The following UHMK1 variants were observed in gnomAD, a reference collection of about 807,000 sequenced individuals.
UHMK1 encodes the protein serine/threonine-protein kinase Kist.
UHMK1 carries 18 observed loss-of-function variants against 44.0 expected under a neutral mutation model. That is an observed-to-expected ratio of 0.41 (90% CI 0.28 to 0.61). The LOEUF (loss-of-function observed/expected upper bound fraction) is 0.61. Ranked by LOEUF, UHMK1 falls within the 20% of genes least tolerant of loss-of-function variation. The probability of loss-of-function intolerance (pLI) is 0.31; values close to 1 mark genes in which losing one functional copy is unlikely to be tolerated. For missense variants in UHMK1, 463 were observed against 522.5 expected (o/e 0.89, Z 1.11); for synonymous variants, 231 against 198.5 (o/e 1.16, Z -1.38).
Position 162,522,496 on chromosome 1 carries a change from A to G in UHMK1, c.1206A>G (p.Thr402=), listed in dbSNP as rs200307042. 1 of 1,614,196 alleles carries G rather than the reference A, an allele frequency of 6.2e-7. No homozygotes were observed. Among genetic ancestry groups the G allele is most frequent in the East Asian group, 2.2e-5 (1 of 44,882 alleles). ...RMFDGKFVVA[T]FYPLSAYKRG... ...TTGATGGGAAGTTTGTTGTGGCTAC[A>G]TTCTACCCGCTGAGTGCCTACAAGA... is the stretch of plus-strand genomic sequence containing the variant. The change falls in exon 8 of 8, where the codon ACA becomes ACG. Residue 402 remains threonine (T), a synonymous_variant. Coordinates refer to ENST00000489294, the MANE Select transcript of UHMK1 (RefSeq NM_175866.5).
intron 4 of UHMK1, 146 bp from the exon 5 acceptor site, chr1:162,512,354 C>A: frequency 1.6e-6 from 1 of 638,284 alleles, no homozygotes; most frequent in Non-Finnish European, 2.7e-6. Flanking sequence ...TAATAAATAG[C>A]ATTTGTATTT....
chr1:162,517,732 A>G (rs1357420236), intron 6 of UHMK1, among the ~76,000 whole-genome samples: 1 of 152,082 alleles, frequency 6.6e-6, no homozygotes, highest in African/African-American at 2.4e-5. Flanking sequence ...TAAACATACA[A>G]AAATTAGCTG....
At chr1:162,504,503 G>A (rs947493010) in intron 4 of UHMK1, among the ~76,000 whole-genome samples, 5 of 152,134 alleles carry the variant, frequency 3.3e-5, no homozygotes, top group African/African-American at 7.2e-5. Flanking sequence ...CCTATATAGC[G>A]TGTTACTGTA....
intron 2 of UHMK1, 108 bp from the exon 3 acceptor site, chr1:162,500,805 A>G (rs1651240321): frequency 3.6e-6 from 4 of 1,095,896 alleles, no homozygotes; most frequent in Non-Finnish European, 5.1e-6. Flanking sequence ...TTTAGCATTT[A>G]GCTTGGCAGT....
At chr1:162,503,674 C>T (rs1243991006) in intron 3 of UHMK1, 80 bp from the exon 4 acceptor site, 4 of 699,212 alleles carry the variant, frequency 5.7e-6, no homozygotes, top group Non-Finnish European at 9.3e-6. Flanking sequence ...TTGCATTTTA[C>T]TCTCAAATAG....
At chr1:162,520,186 G>A (rs894516323) in intron 7 of UHMK1, among the ~76,000 whole-genome samples, 2 of 152,142 alleles carry the variant, frequency 1.3e-5, no homozygotes, top group African/African-American at 4.8e-5. Context: ...GAGCCACTGT[G>A]CCCAGCTATA....
upstream of UHMK1, among the ~76,000 whole-genome samples, chr1:162,497,603 G>T (rs994545469): frequency 1.3e-5 from 2 of 152,106 alleles, no homozygotes; most frequent in Admixed American, 6.6e-5. Context: ...AAGGTGAGGT[G>T]CCTCAACAAG....
At chr1:162,518,063 TATATC>T (rs1651901304) in intron 6 of UHMK1, 34 bp from the exon 7 acceptor site, 1 of 1,396,342 alleles carries the variant, frequency 7.2e-7, no homozygotes, top group Non-Finnish European at 1.0e-6. Flanking sequence ...ACTTGTTTAT[TATATC>T]AGAGCAGTTA....
At chr1:162,502,470 A>T (rs529325637) in intron 3 of UHMK1, among the ~76,000 whole-genome samples, 14 of 152,156 alleles carry the variant, frequency 9.2e-5, no homozygotes, top group Non-Finnish European at 1.8e-4. Context: ...GATATCCCAA[A>T]CAATCAAGAG....
intron 4 of UHMK1, among the ~76,000 whole-genome samples, chr1:162,510,237 C>G (rs1429865111): frequency 1.3e-5 from 2 of 152,090 alleles, no homozygotes; most frequent in African/African-American, 4.8e-5. Context: ...CATTCACTCC[C>G]TATGTTTTTC....
intron 3 of UHMK1, among the ~76,000 whole-genome samples, chr1:162,503,525 C>T (rs1361614468): frequency 1.3e-5 from 2 of 149,188 alleles, no homozygotes; most frequent in African/African-American, 5.0e-5. Context: ...GCAGGAGGAT[C>T]ACTTAAACCT....
chr1:162,516,287 A>G (rs948240101), intron 6 of UHMK1, among the ~76,000 whole-genome samples: 1 of 152,216 alleles, frequency 6.6e-6, no homozygotes, highest in Admixed American at 6.5e-5. Flanking sequence ...TGAAATAACA[A>G]GTTTCTTAGC....
chr1:162,507,819 C>T (rs1651532126), intron 4 of UHMK1, among the ~76,000 whole-genome samples: 1 of 152,038 alleles, frequency 6.6e-6, no homozygotes, highest in Non-Finnish European at 1.5e-5. Flanking sequence ...ATCTCCTGAA[C>T]TCGTGATCCG....
chr1:162,509,797 C>G (rs901103848), intron 4 of UHMK1, among the ~76,000 whole-genome samples: 4 of 152,138 alleles, frequency 2.6e-5, no homozygotes, highest in African/African-American at 9.7e-5. Flanking sequence ...TGCACAGCAC[C>G]ATGCCTGGCT....
At chr1:162,502,020 C>A (rs1178909513) in intron 3 of UHMK1, among the ~76,000 whole-genome samples, 1 of 151,444 alleles carries the variant, frequency 6.6e-6, no homozygotes, top group Non-Finnish European at 1.5e-5. Context: ...TATTAAACCT[C>A]AAAAAATTAG....
intron 3 of UHMK1, among the ~76,000 whole-genome samples, chr1:162,503,240 G>T (rs1326291781): frequency 6.8e-6 from 1 of 148,140 alleles, no homozygotes; most frequent in Non-Finnish European, 1.5e-5. Flanking sequence ...TTCATAGAGT[G>T]CTAGGCGCTG....
At position 162,526,910 on chromosome 1, in the gene UHMK1, A is replaced by G. The variant is rs1652268812; in HGVS notation, c.*4360A>G. Reference sequence around the variant, plus strand: ...TTCATTTCTTGTCAATTATGGTCACATATAGACAAGTACTTGGTCACAATT... The same window carrying G: ...TTCATTTCTTGTCAATTATGGTCACGTATAGACAAGTACTTGGTCACAATT... On this transcript the variant is annotated 3_prime_UTR_variant, in exon 8 of 8. Transcript: ENST00000489294. The G allele has an allele frequency of 1.3e-5, 2 of 152,120 alleles. No homozygotes were observed. Among genetic ancestry groups the G allele is most frequent in the South Asian group, 4.1e-4 (2 of 4,830 alleles). The allele number at this position is 152,120 out of a possible 1,614,324, so 9.4% of individuals were successfully genotyped here.
intron 4 of UHMK1, among the ~76,000 whole-genome samples, chr1:162,507,585 T>C (rs945501089): frequency 1.4e-5 from 2 of 146,994 alleles, no homozygotes; most frequent in Non-Finnish European, 3.0e-5. Context: ...TTCTTTCTTT[T>C]TTTTTTTCTT....
rs1652176735 is a variant in UHMK1 at position 162,524,540 on chromosome 1, A to G, written c.*1990A>G. ...ATGGGTAGCAGATTTTGTGGTGATT[A>G]GAAACATCAGGTCCTTAAATACGAT... is the stretch of plus-strand genomic sequence containing the variant. On this transcript the variant is annotated 3_prime_UTR_variant, in exon 8 of 8. Transcript: ENST00000489294. 6.6e-6 allele frequency: 1 copy of G among 152,224 alleles called. No homozygotes were observed. The highest frequency in any genetic ancestry group is 6.5e-5 in the Admixed American group (1 of 15,274). 9.4% of individuals were successfully genotyped at this position (152,224 alleles called of 1,614,324 possible).
Sources: gnomAD v4.1 joint callset for allele counts (sites outside exome capture counted in the v4.1 genomes callset) on GRCh38, gnomAD v4.1.1 for gene constraint, MANE v1.5 for transcripts, NCBI Gene and HGNC (gene_info 2026-07-23, HGNC 2026-07-21) for gene names.